IL36B: variants seen among roughly 807,000 people sequenced by gnomAD.
The protein encoded by IL36B is interleukin-36 beta.
A neutral mutation model predicts 19.3 loss-of-function variants in IL36B; 23 were observed. The observed-to-expected ratio is 1.19, with a 90% CI of 0.86 to 1.69. The LOEUF (loss-of-function observed/expected upper bound fraction) is 1.69. Ranked by LOEUF, IL36B falls within the 40% of genes most tolerant of loss-of-function variation. The pLI is 0.00. For synonymous variants in IL36B, 59 were observed against 59.7 expected (o/e 0.99, Z 0.05); for missense variants, 217 against 200.5 (o/e 1.08, Z -0.50).
intron 1 of IL36B, among the ~76,000 whole-genome samples, chr2:113,050,425 G>A (rs1313189042): frequency 6.6e-6 from 1 of 152,126 alleles, no homozygotes; most frequent in Non-Finnish European, 1.5e-5. Context: ...AAAGTAAAAT[G>A]GTGGTTGCCA....
chr2:113,050,657 C>T (rs1023028224), intron 1 of IL36B, among the ~76,000 whole-genome samples: 1 of 151,934 alleles, frequency 6.6e-6, no homozygotes, highest in Non-Finnish European at 1.5e-5. Context: ...AAAGATATAT[C>T]AAAAGAGGCA....
chr2:113,025,902 G>T (rs1413250108), intron 5 of IL36B, among the ~76,000 whole-genome samples: 1 of 152,186 alleles, frequency 6.6e-6, no homozygotes, highest in Non-Finnish European at 1.5e-5. Flanking sequence ...ATGATGACAA[G>T]TGACCCTAGG....
chr2:113,031,296 G>A, intron 2 of IL36B, 141 bp from the exon 3 acceptor site: 1 of 658,522 alleles, frequency 1.5e-6, no homozygotes, highest in African/African-American at 1.8e-5. Flanking sequence ...GATAAATGGA[G>A]GGGAAATAGG....
chr2:113,051,308 G>A (rs567650479), intron 1 of IL36B, among the ~76,000 whole-genome samples: 2 of 152,358 alleles, frequency 1.3e-5, no homozygotes, highest in Non-Finnish European at 2.9e-5. Flanking sequence ...AGGCACAGAC[G>A]AGGAAAGCGC....
intron 1 of IL36B, among the ~76,000 whole-genome samples, chr2:113,032,074 T>C (rs1685085954): frequency 1.3e-5 from 2 of 151,996 alleles, no homozygotes; most frequent in South Asian, 4.2e-4. Flanking sequence ...GGGCACCTTC[T>C]AGTACTCTGA....
intron 1 of IL36B, among the ~76,000 whole-genome samples, chr2:113,046,636 C>T (rs1285076910): frequency 5.9e-5 from 9 of 152,092 alleles, no homozygotes; most frequent in African/African-American, 7.2e-5. Flanking sequence ...TTGTTAATGA[C>T]GGTTTTGAGG....
intron 4 of IL36B, among the ~76,000 whole-genome samples, chr2:113,028,521 G>A (rs941500485): frequency 6.6e-6 from 1 of 152,190 alleles, no homozygotes; most frequent in African/African-American, 2.4e-5. Context: ...CTACAATGTT[G>A]CCTTGGTAAG....
chr2:113,025,640 T>C (rs1684944616), intron 5 of IL36B, among the ~76,000 whole-genome samples: 1 of 152,092 alleles, frequency 6.6e-6, no homozygotes, highest in Non-Finnish European at 1.5e-5. Context: ...TCGCAGAAGA[T>C]AAGATGTTGC....
intron 1 of IL36B, among the ~76,000 whole-genome samples, chr2:113,052,139 G>A (rs184603762): frequency 2.6e-5 from 4 of 152,000 alleles, no homozygotes; most frequent in East Asian, 1.9e-4. Context: ...TAGTAGAGAC[G>A]GGGTTTCTTC....
At chr2:113,025,655 G>A (rs755253623) in intron 5 of IL36B, among the ~76,000 whole-genome samples, 5 of 152,136 alleles carry the variant, frequency 3.3e-5, no homozygotes, top group East Asian at 1.9e-4. Context: ...TGTTGCCTTC[G>A]GTTGGGAAGA....
intron 1 of IL36B, among the ~76,000 whole-genome samples, chr2:113,040,805 G>T (rs1685243041): frequency 6.6e-6 from 1 of 152,294 alleles, no homozygotes; most frequent in East Asian, 1.9e-4. Context: ...TAAGATGTCA[G>T]TCTATGGATT....
chr2:113,027,538 C>A (rs1684986584), intron 4 of IL36B: 1 of 1,028,992 alleles, frequency 9.7e-7, no homozygotes, highest in Non-Finnish European at 1.2e-6. Context: ...GTTGTATGAA[C>A]AAAATGTCAT....
At chr2:113,024,345 T>A (rs1684914948) in intron 5 of IL36B, among the ~76,000 whole-genome samples, 1 of 152,202 alleles carries the variant, frequency 6.6e-6, no homozygotes, top group South Asian at 2.1e-4. Context: ...CTGTGCTCTT[T>A]CTCCATTTAT....
intron 1 of IL36B, among the ~76,000 whole-genome samples, chr2:113,040,982 C>G (rs1057379445): frequency 6.6e-6 from 1 of 151,870 alleles, no homozygotes; most frequent in Admixed American, 6.6e-5. Flanking sequence ...TTAGCAACAC[C>G]CTGTCTCTAA....
At position 113,022,316 on chromosome 2, in the gene IL36B, T is replaced by G. The variant is rs535955673; in HGVS notation, c.*358A>C. ...AACCCCTGTACATCAGGAAAAGAAA[T>G]AACAGATTGAGCTCTAGTAGCTTGC... On this transcript the variant is annotated 3_prime_UTR_variant, in exon 6 of 6. Transcript: ENST00000259213. 17 of 169,604 alleles carry G rather than the reference T, an allele frequency of 1.0e-4. No individual in the cohort carries two copies. The highest frequency in any genetic ancestry group is 2.0e-4 in the Non-Finnish European group (16 of 79,218). The allele number at this position is 169,604 out of a possible 1,614,324, so 10.5% of individuals were successfully genotyped here. A position where few individuals can be genotyped will look rare whatever the true frequency, so the allele number is the denominator to read the frequency against.
rs911966844 is a variant in IL36B at position 113,031,039 on chromosome 2, G to T, written c.121+9C>A. 2.5e-6 allele frequency: 4 copies of T among 1,583,434 alleles called. No individual in the cohort carries two copies. The highest frequency in any genetic ancestry group is 3.5e-6 in the Non-Finnish European group (4 of 1,152,128). ...TCAAGAAGCAACAGTGGGTTTGATT[G>T]TCACTCACCAGGCTTAATGCTGCGG... On this transcript the variant is annotated intron_variant, in intron 3 of 5. Coordinates refer to ENST00000259213, the MANE Select transcript of IL36B (RefSeq NM_014438.5).
At chr2:113,028,345 T>G (rs1279674437) in intron 4 of IL36B, among the ~76,000 whole-genome samples, 1 of 152,160 alleles carries the variant, frequency 6.6e-6, no homozygotes, top group African/African-American at 2.4e-5. Context: ...TCTGACTCTT[T>G]GAAGCATCAC....
chr2:113,031,063 G>T lies in IL36B; in HGVS notation c.106C>A (p.Arg36Ser). 2 of 1,610,800 alleles carry T rather than the reference G, an allele frequency of 1.2e-6. No homozygotes were observed. The highest frequency in any genetic ancestry group is 2.2e-5 in the South Asian group (2 of 91,014). The change falls in exon 3 of 6, where the codon CGC (arginine) becomes AGC (serine). Residue 36 changes from arginine to serine, a missense_variant. Physicochemically the swap from Arg to Ser is moderately radical, Grantham distance 110 (BLOSUM62 -1). Coordinates refer to ENST00000259213, the MANE Select transcript of IL36B (RefSeq NM_014438.5). ...TGTCACTCACCAGGCTTAATGCTGC[G>T]GCTAAGAGGAGCTGCTATTAAAGAA...
chr2:113,033,726 A>G (rs760324801), intron 1 of IL36B, among the ~76,000 whole-genome samples: 1 of 152,224 alleles, frequency 6.6e-6, no homozygotes, highest in Non-Finnish European at 1.5e-5. Context: ...TGCATACTGC[A>G]CTAGCCGGAA....
Sources: allele counts gnomAD v4.1 joint callset (sites outside exome capture counted in the v4.1 genomes callset), GRCh38; gene constraint gnomAD v4.1.1; transcripts MANE v1.5; gene names NCBI Gene and HGNC (gene_info 2026-07-23, HGNC 2026-07-21).